Variants in PIP4K2A observed in about 807,000 individuals in gnomAD.
PIP4K2A encodes the protein phosphatidylinositol 5-phosphate 4-kinase type-2 alpha.
In PIP4K2A, 14 loss-of-function variants were observed where a neutral mutation model predicts 42.9. That is an observed-to-expected ratio of 0.33 (90% CI 0.22 to 0.51). The LOEUF is 0.51. Among genes scored for constraint, PIP4K2A ranks in the 20% least tolerant of loss-of-function variants. The pLI is 0.97. For missense variants in PIP4K2A, 434 were observed against 519.8 expected, an observed-to-expected ratio of 0.83 and a Z score of 1.61; for synonymous variants, 192 against 192.2, an observed-to-expected ratio of 1.00 and a Z score of 0.01.
intron 1 of PIP4K2A, among the ~76,000 whole-genome samples, chr10:22,647,310 G>C (rs1313453012): frequency 1.5e-5 from 2 of 137,388 alleles, no homozygotes; most frequent in Non-Finnish European, 3.4e-5. Context: ...TCTAAATACT[G>C]TGTGTGTGTG....
At chr10:22,645,802 T>C (rs774787524) in intron 1 of PIP4K2A, among the ~76,000 whole-genome samples, 3 of 151,912 alleles carry the variant, frequency 2.0e-5, no homozygotes, top group African/African-American at 4.8e-5. Flanking sequence ...CTGGACTCAG[T>C]TGATCCTCCC....
At chr10:22,578,579 G>C (rs1211923065) in intron 4 of PIP4K2A, among the ~76,000 whole-genome samples, 1 of 151,892 alleles carries the variant, frequency 6.6e-6, no homozygotes, top group Non-Finnish European at 1.5e-5. Flanking sequence ...CCATTGTCAG[G>C]GCCCTGACCT....
chr10:22,667,735 TAA>T (rs1044124162), intron 1 of PIP4K2A, among the ~76,000 whole-genome samples: 1 of 152,124 alleles, frequency 6.6e-6, no homozygotes, highest in Admixed American at 6.5e-5. Flanking sequence ...CTAATACTTG[TAA>T]AAAGAGGATT....
In PIP4K2A at chr10:22,537,247, TGTTCTGG is replaced by T; in HGVS notation, c.1168_1174del (p.Pro390SerfsTer14). On this transcript the variant is annotated frameshift_variant, in exon 10 of 10. Transcript: ENST00000376573. LOFTEE classifies it high-confidence loss of function. ...AAAGTCCAAAAAGCGCTTTGAATAC[TGTTCTGG>T]GTTCACGGTGGAGATCTCCGCGCCA... The T allele has an allele frequency of 6.2e-7, 1 of 1,607,024 alleles. No individual in the cohort carries two copies. The highest frequency in any genetic ancestry group is 8.5e-7 in the Non-Finnish European group (1 of 1,175,834).
chr10:22,606,887 T>C (rs1454132247), intron 3 of PIP4K2A, among the ~76,000 whole-genome samples: 2 of 152,238 alleles, frequency 1.3e-5, no homozygotes, highest in East Asian at 3.8e-4. Flanking sequence ...TTTGCAAAGA[T>C]AATGAGATAT....
At chr10:22,633,597 A>G (rs1016570075) in intron 1 of PIP4K2A, among the ~76,000 whole-genome samples, 6 of 151,960 alleles carry the variant, frequency 3.9e-5, no homozygotes, top group Non-Finnish European at 8.8e-5. Context: ...AGGGGAGGGG[A>G]CCTTGGGGCA....
chr10:22,667,802 A>G (rs553162449), intron 1 of PIP4K2A, among the ~76,000 whole-genome samples: 20 of 152,242 alleles, frequency 1.3e-4, no homozygotes, highest in African/African-American at 4.1e-4. Context: ...TTAGAAGTAA[A>G]TAATACTTTC....
At chr10:22,638,013 C>T (rs977016064) in intron 1 of PIP4K2A, among the ~76,000 whole-genome samples, 10 of 152,174 alleles carry the variant, frequency 6.6e-5, no homozygotes, top group South Asian at 6.2e-4. Context: ...TACTGAGTGC[C>T]GCAATTCGAT....
chr10:22,647,782 C>A (rs1012151618), intron 1 of PIP4K2A, among the ~76,000 whole-genome samples: 1 of 152,100 alleles, frequency 6.6e-6, no homozygotes, highest in African/African-American at 2.4e-5. Flanking sequence ...AGTAAATGAC[C>A]CAATGAAAAC....
At chr10:22,580,523 C>A (rs925405809) in intron 4 of PIP4K2A, among the ~76,000 whole-genome samples, 6 of 151,448 alleles carry the variant, frequency 4.0e-5, no homozygotes, top group African/African-American at 1.5e-4. Flanking sequence ...AGAAGAAGAG[C>A]ATGTACTGGG....
chr10:22,687,303 G>A (rs1357713066), intron 1 of PIP4K2A, among the ~76,000 whole-genome samples: 1 of 152,090 alleles, frequency 6.6e-6, no homozygotes, highest in African/African-American at 2.4e-5. Flanking sequence ...GATTTTATAT[G>A]TGGACTCTTT....
chr10:22,643,750 G>A (rs1347772225), intron 1 of PIP4K2A, among the ~76,000 whole-genome samples: 3 of 152,010 alleles, frequency 2.0e-5, no homozygotes, highest in Non-Finnish European at 2.9e-5. Context: ...CTTCTGCGCA[G>A]GAACCACAGA....
At chr10:22,572,484 GGT>G (rs1837013061) in intron 5 of PIP4K2A, among the ~76,000 whole-genome samples, 3 of 152,264 alleles carry the variant, frequency 2.0e-5, no homozygotes, top group Non-Finnish European at 2.9e-5. Flanking sequence ...TGAGCATGGT[GGT>G]GCGTGCCTGT....
intron 1 of PIP4K2A, among the ~76,000 whole-genome samples, chr10:22,713,729 C>A (rs1833957176): frequency 6.6e-6 from 1 of 152,220 alleles, no homozygotes; most frequent in Middle Eastern, 3.4e-3. Context: ...GGGACAGGTA[C>A]ACCTGCCCGC....
Position 22,664,053 on chromosome 10 carries a change from G to GTATATATA in PIP4K2A, c.144+50122_144+50129dup, listed in dbSNP as rs1323988352. ...TATACATATATATATATATACATATGTATATATACATATATATATATACGT... is the reference window on the plus strand; with the variant it reads ...TATACATATATATATATATACATATGTATATATATATATATACATATATATATATACGT... On this transcript the variant is annotated intron_variant, in intron 1 of 9. Transcript: ENST00000376573. 9.0e-5 allele frequency among the ~76,000 whole-genome samples: 5 copies of GTATATATA among 55,578 alleles called. 1 individual carries two copies. In the African/African-American group the frequency reaches 9.0e-4, roughly 10 times the overall value. The allele number at this position is 55,578 out of a possible 152,430, so 36.5% of individuals were successfully genotyped here.
intron 6 of PIP4K2A, among the ~76,000 whole-genome samples, chr10:22,553,934 G>A (rs1046374744): frequency 2.0e-5 from 3 of 151,642 alleles, no homozygotes; most frequent in Non-Finnish European, 1.5e-5. Context: ...CCAGAAGTTC[G>A]AGACCAGTCT....
Position 22,534,917 on chromosome 10 carries a change from A to T in PIP4K2A, c.*2284T>A, listed in dbSNP as rs1177402466. 1 of 152,184 alleles carries T rather than the reference A, an allele frequency of 6.6e-6. No individual in the cohort carries two copies. Among genetic ancestry groups the T allele is most frequent in the Non-Finnish European group, 1.5e-5 (1 of 68,036 alleles). The allele number at this position is 152,184 out of a possible 1,614,324, so 9.4% of individuals were successfully genotyped here. On this transcript the variant is annotated 3_prime_UTR_variant, in exon 10 of 10. Coordinates refer to ENST00000376573, the MANE Select transcript of PIP4K2A (RefSeq NM_005028.5). ...ACACTGTCAGGACCGAGTATTTAAAATGTGTTTGGAACAGAGACACACAAT... is the reference window on the plus strand; with the variant it reads ...ACACTGTCAGGACCGAGTATTTAAATTGTGTTTGGAACAGAGACACACAAT...
At chr10:22,676,759 A>C (rs1203903697) in intron 1 of PIP4K2A, among the ~76,000 whole-genome samples, 2 of 152,194 alleles carry the variant, frequency 1.3e-5, no homozygotes, top group African/African-American at 4.8e-5. Context: ...GAGCTGAATG[A>C]AACAGAAAAC....
chr10:22,649,497 C>T (rs1323886205), intron 1 of PIP4K2A, among the ~76,000 whole-genome samples: 4 of 152,148 alleles, frequency 2.6e-5, no homozygotes, highest in African/African-American at 4.8e-5. Flanking sequence ...AAGTTGCACC[C>T]GGCACAGTGC....
Sources: gnomAD v4.1 joint callset for allele counts (sites outside exome capture counted in the v4.1 genomes callset) on GRCh38, gnomAD v4.1.1 for gene constraint, MANE v1.5 for transcripts, NCBI Gene and HGNC (gene_info 2026-07-23, HGNC 2026-07-21) for gene names.